The following CCDC191 variants were observed in gnomAD, a reference collection of about 807,000 sequenced individuals.
CCDC191 encodes the protein coiled-coil domain containing 191.
In CCDC191, 99 loss-of-function variants were observed where a neutral mutation model predicts 114.0. The observed-to-expected ratio is 0.87, with a 90% confidence interval of 0.74 to 1.03. The LOEUF (loss-of-function observed/expected upper bound fraction) is 1.03. CCDC191 is among the 50% of genes least tolerant of loss of function. CCDC191 has a pLI of 0.00. For missense variants in CCDC191, 973 were observed against 1,087.0 expected, an observed-to-expected ratio of 0.90 and a Z score of 1.47; for synonymous variants, 351 against 376.0, an observed-to-expected ratio of 0.93 and a Z score of 0.77.
intron 4 of CCDC191, chr3:114,039,584 G>A (rs1391122883): frequency 6.6e-6 from 1 of 152,114 alleles, no homozygotes; most frequent in Non-Finnish European, 1.5e-5. Context: ...ATTATCACAG[G>A]AGATGACAGC....
intron 6 of CCDC191, among the ~76,000 whole-genome samples, chr3:114,034,530 A>C (rs1015495045): frequency 1.3e-5 from 2 of 152,238 alleles, no homozygotes; most frequent in African/African-American, 4.8e-5. Context: ...AAAAAACTCT[A>C]TGCTTAAAGA....
chr3:114,035,860 A>G (rs1025952023), intron 5 of CCDC191, among the ~76,000 whole-genome samples: 1 of 152,142 alleles, frequency 6.6e-6, no homozygotes, highest in East Asian at 1.9e-4. Context: ...CTTTTGTCAT[A>G]AATCCAAACT....
In CCDC191 at chr3:113,964,932, A is replaced by C. The variant is rs1450683796; in HGVS notation, c.*223T>G. On this transcript the variant is annotated 3_prime_UTR_variant, in exon 17 of 17. Coordinates refer to ENST00000295878, the MANE Select transcript of CCDC191 (RefSeq NM_020817.2). Reference sequence around the variant, plus strand: ...TATATTTGAACAGACGATCTCTAGAATGTTCCTTTGGATGATCCCACTGTG... The same window carrying C: ...TATATTTGAACAGACGATCTCTAGACTGTTCCTTTGGATGATCCCACTGTG... 2.7e-6 allele frequency: 1 copy of C among 367,252 alleles called. No individual in the cohort carries two copies. The highest frequency in any genetic ancestry group is 4.8e-6 in the Non-Finnish European group (1 of 206,728). The allele number at this position is 367,252 out of a possible 1,614,324, so 22.7% of individuals were successfully genotyped here. A position where few individuals can be genotyped will look rare whatever the true frequency, so the allele number is the denominator to read the frequency against.
intron 16 of CCDC191, among the ~76,000 whole-genome samples, chr3:113,977,156 G>A (rs1941425686): frequency 6.6e-6 from 1 of 152,148 alleles, no homozygotes; most frequent in African/African-American, 2.4e-5. Flanking sequence ...AATTAGCCGG[G>A]TGTCGTGGTG....
rs1265701063 is a variant in CCDC191 at position 114,010,830 on chromosome 3, C to T, written c.1355G>A (p.Gly452Asp). ...LGKLSANGLS[G>D]ISLPEEATAM... ...TGTTGCCTCCTCAGGTAGACTGATG[C>T]CTGATAACCCATTGGCACTGAGTTT... The change falls in exon 9 of 17, where the codon GGC (glycine) becomes GAC (aspartate). Residue 452 changes from glycine (G) to aspartate (D), a missense_variant. By Grantham distance (94) the Gly-to-Asp change is moderately conservative. Transcript: ENST00000295878. 1.9e-6 allele frequency: 3 copies of T among 1,613,950 alleles called. No homozygotes were observed. The highest frequency in any genetic ancestry group is 2.7e-5 in the African/African-American group (2 of 74,938).
chr3:114,006,557 T>C (rs368694206), intron 9 of CCDC191, among the ~76,000 whole-genome samples: 38 of 144,264 alleles, frequency 2.6e-4, no homozygotes, highest in African/African-American at 8.8e-4. Flanking sequence ...ATTTGGACAG[T>C]TCATTTGTGA....
At chr3:114,039,657 A>G (rs2076534450) in intron 4 of CCDC191, among the ~76,000 whole-genome samples, 1 of 151,582 alleles carries the variant, frequency 6.6e-6, no homozygotes, top group Admixed American at 6.6e-5. Flanking sequence ...AGATAGTGAT[A>G]TTGATGATCC....
At chr3:114,008,553 A>G (rs2076013508) in intron 9 of CCDC191, among the ~76,000 whole-genome samples, 1 of 152,120 alleles carries the variant, frequency 6.6e-6, no homozygotes, top group South Asian at 2.1e-4. Flanking sequence ...AAGGTTTTCT[A>G]AACATGACAA....
rs941444028 is a variant in CCDC191, at chr3:114,018,705, A to G, written c.1136T>C (p.Leu379Ser). 3 of 1,611,152 alleles carry G rather than the reference A, an allele frequency of 1.9e-6. No homozygotes were observed. The highest frequency in any genetic ancestry group is 2.7e-5 in the African/African-American group (2 of 74,624). ...FQKLERETQA[L>S]ENDLREENRK... ...GTTTTCTTCCCTAAGATCATTTTCCAAGGCTTGAGTCTCCCGCTCCAACTT... is the reference window on the plus strand; with the variant it reads ...GTTTTCTTCCCTAAGATCATTTTCCGAGGCTTGAGTCTCCCGCTCCAACTT... Residue 379 changes from leucine (L) to serine (S), a missense_variant, in exon 8 of 17, where the codon TTG (leucine) becomes TCG (serine). Coordinates refer to ENST00000295878, the MANE Select transcript of CCDC191 (RefSeq NM_020817.2).
At chr3:114,036,361 C>T (rs1236256965) in intron 5 of CCDC191, among the ~76,000 whole-genome samples, 1 of 152,094 alleles carries the variant, frequency 6.6e-6, no homozygotes, top group East Asian at 1.9e-4. Context: ...TATGTCAATA[C>T]TCTTGGTCAA....
intron 11 of CCDC191, 84 bp downstream of exon 11, chr3:114,004,553 T>A: frequency 6.5e-7 from 1 of 1,533,758 alleles, no homozygotes; most frequent in Middle Eastern, 1.8e-4. Context: ...ACCTCAAGAG[T>A]TGCCAGAATT....
intron 6 of CCDC191, among the ~76,000 whole-genome samples, chr3:114,032,237 GA>G (rs1168587030): frequency 6.6e-6 from 1 of 152,166 alleles, no homozygotes; most frequent in African/African-American, 2.4e-5. Flanking sequence ...ATTGAATAAG[GA>G]GGGAATGGAA....
rs72958617 is a variant in CCDC191 at position 114,055,104 on chromosome 3, A to G, written c.90+1273T>C. 5.0e-3 allele frequency among the ~76,000 whole-genome samples: 764 copies of G among 152,300 alleles called. 4 individuals carry two copies. The highest frequency in any genetic ancestry group is 0.018 in the African/African-American group (738 of 41,572). On this transcript the variant is annotated intron_variant, in intron 1 of 16. Transcript: ENST00000295878. ...AATATAATACTCTTTCACTTACCTA[A>G]CACTTTACCTTCAAAGCATCTTACT...
At chr3:114,012,564 G>C (rs1292739774) in intron 8 of CCDC191, among the ~76,000 whole-genome samples, 3 of 152,040 alleles carry the variant, frequency 2.0e-5, no homozygotes. Flanking sequence ...AGCAACACAG[G>C]TAAGAACAAA....
chr3:114,013,031 C>T (rs1446386786), intron 8 of CCDC191, among the ~76,000 whole-genome samples: 1 of 152,126 alleles, frequency 6.6e-6, no homozygotes, highest in Non-Finnish European at 1.5e-5. Flanking sequence ...GAGTGGATCA[C>T]TTGAGCCCAG....
intron 13 of CCDC191, among the ~76,000 whole-genome samples, chr3:113,992,495 A>T (rs967055902): frequency 2.0e-5 from 3 of 152,218 alleles, no homozygotes; most frequent in African/African-American, 7.2e-5. Context: ...AAGGAGATTG[A>T]ATGAGTAATT....
chr3:113,975,317 G>T (rs746694319), intron 16 of CCDC191, among the ~76,000 whole-genome samples: 2 of 152,174 alleles, frequency 1.3e-5, no homozygotes, highest in Non-Finnish European at 2.9e-5. Flanking sequence ...TCAGGCTTAA[G>T]ACCAATAGAT....
intron 2 of CCDC191, among the ~76,000 whole-genome samples, chr3:114,048,408 C>T (rs375315257): frequency 6.6e-5 from 10 of 152,190 alleles, no homozygotes; most frequent in Non-Finnish European, 8.8e-5. Flanking sequence ...CCTTATAATG[C>T]GCTTCCAGGT....
At chr3:114,010,488 G>A (rs933103216) in intron 9 of CCDC191, among the ~76,000 whole-genome samples, 2 of 152,162 alleles carry the variant, frequency 1.3e-5, no homozygotes, top group Admixed American at 6.5e-5. Context: ...AAGAGTTATA[G>A]ACAGTGCTTT....
Sources: allele counts gnomAD v4.1 joint callset (sites outside exome capture counted in the v4.1 genomes callset), GRCh38; gene constraint gnomAD v4.1.1; transcripts MANE v1.5; gene names NCBI Gene and HGNC (gene_info 2026-07-23, HGNC 2026-07-21).